Variants in MOXD1 observed in about 807,000 individuals in gnomAD.
MOXD1 encodes the protein monooxygenase DBH like 1, also known as DBH-like monooxygenase protein 1.
In MOXD1, 62 loss-of-function variants were observed where a neutral mutation model predicts 66.6. That is an observed-to-expected ratio of 0.93 (90% CI 0.76 to 1.15). MOXD1 has a LOEUF of 1.15. MOXD1 is among the 50% of genes most tolerant of loss of function. The pLI, the probability that MOXD1 is intolerant of heterozygous loss-of-function variation, is 0.00. For missense variants in MOXD1, 847 were observed against 754.6 expected, an observed-to-expected ratio of 1.12 and a Z score of -1.44; for synonymous variants, 303 against 281.9, an observed-to-expected ratio of 1.07 and a Z score of -0.75.
chr6:132,312,773 C>T (rs530970794), intron 10 of MOXD1, among the ~76,000 whole-genome samples: 111 of 150,110 alleles, frequency 7.4e-4, no homozygotes, highest in African/African-American at 2.5e-3. Flanking sequence ...ACAGGAGAGC[C>T]GAACATTTTT....
rs1163995710 is a variant in MOXD1 at position 132,300,027 on chromosome 6, A to C, written c.1509-2072T>G. ...AATTTTTTATGTCTAAATTTGAAAT[A>C]TTTCTTCCATATCTAATAAGTGAGA... On this transcript the variant is annotated intron_variant, in intron 10 of 11. Coordinates refer to ENST00000367963, the MANE Select transcript of MOXD1 (RefSeq NM_015529.4). Among the ~76,000 whole-genome samples, 5 of 152,108 alleles carry C rather than the reference A, an allele frequency of 3.3e-5. No homozygotes were observed. In the East Asian group the frequency reaches 9.6e-4, roughly 29 times the overall value.
chr6:132,372,540 A>T, intron 4 of MOXD1, 68 bp downstream of exon 4: 4 of 1,364,814 alleles, frequency 2.9e-6, no homozygotes, highest in Non-Finnish European at 3.1e-6. Context: ...TACTGTTTTC[A>T]TTATATTAAC....
intron 1 of MOXD1, among the ~76,000 whole-genome samples, chr6:132,383,364 T>C (rs1776548583): frequency 6.6e-6 from 1 of 152,160 alleles, no homozygotes; most frequent in Non-Finnish European, 1.5e-5. Context: ...AAGTGGAATG[T>C]CAAAATAGAA....
At chr6:132,334,321 A>G (rs963299162) in intron 4 of MOXD1, among the ~76,000 whole-genome samples, 2 of 152,146 alleles carry the variant, frequency 1.3e-5, no homozygotes, top group African/African-American at 4.8e-5. Context: ...CCATGAGTAC[A>G]CTACCTCTGA....
intron 1 of MOXD1, among the ~76,000 whole-genome samples, chr6:132,377,481 C>T (rs1776417601): frequency 6.6e-6 from 1 of 152,186 alleles, no homozygotes; most frequent in African/African-American, 2.4e-5. Flanking sequence ...AAATATCCAG[C>T]TGGTTTGCCA....
At chr6:132,366,814 A>G (rs1776151383) in intron 4 of MOXD1, among the ~76,000 whole-genome samples, 1 of 152,138 alleles carries the variant, frequency 6.6e-6, no homozygotes, top group African/African-American at 2.4e-5. Flanking sequence ...ATTAAGCCTA[A>G]CGTTCATGTT....
intron 1 of MOXD1, among the ~76,000 whole-genome samples, chr6:132,394,634 C>G (rs998200070): frequency 1.1e-4 from 17 of 151,666 alleles, no homozygotes; most frequent in African/African-American, 3.6e-4. Context: ...AAAAAGAGAC[C>G]AAACAGAAAT....
intron 4 of MOXD1, among the ~76,000 whole-genome samples, chr6:132,371,372 T>A (rs1317657777): frequency 6.6e-6 from 1 of 152,118 alleles, no homozygotes; most frequent in Non-Finnish European, 1.5e-5. Context: ...TTTGCAAAAA[T>A]AACCTATAAA....
chr6:132,371,885 C>A (rs905063115), intron 4 of MOXD1, among the ~76,000 whole-genome samples: 2 of 152,206 alleles, frequency 1.3e-5, no homozygotes, highest in Non-Finnish European at 2.9e-5. Context: ...CTATCTTATT[C>A]TTTCTTGTGT....
intron 4 of MOXD1, among the ~76,000 whole-genome samples, chr6:132,344,095 G>A (rs1189866786): frequency 6.6e-6 from 1 of 152,170 alleles, no homozygotes; most frequent in Non-Finnish European, 1.5e-5. Flanking sequence ...AAACATTTAT[G>A]ATGGCTTTAT....
At chr6:132,366,034 A>T (rs1776115539) in intron 4 of MOXD1, among the ~76,000 whole-genome samples, 1 of 152,192 alleles carries the variant, frequency 6.6e-6, no homozygotes, top group South Asian at 2.1e-4. Flanking sequence ...TTATAGCATA[A>T]CTTTTTCTCT....
intron 1 of MOXD1, among the ~76,000 whole-genome samples, chr6:132,394,264 G>C (rs1254482758): frequency 6.6e-6 from 1 of 152,088 alleles, no homozygotes; most frequent in Non-Finnish European, 1.5e-5. Context: ...CTAGAGTCAA[G>C]GCCAAAGTGC....
intron 4 of MOXD1, among the ~76,000 whole-genome samples, chr6:132,369,086 GATGGAGCATA>G (rs570761851): frequency 1.3e-5 from 2 of 152,130 alleles, no homozygotes; most frequent in Admixed American, 1.3e-4. Flanking sequence ...TACATAATGA[GATGGAGCATA>G]ATGAATAACG....
chr6:132,300,674 T>G (rs1774511876), intron 10 of MOXD1, among the ~76,000 whole-genome samples: 4 of 152,192 alleles, frequency 2.6e-5, no homozygotes, highest in Middle Eastern at 3.2e-3. Context: ...TTATTGAGAT[T>G]GTCCAACATA....
At chr6:132,338,256 T>G (rs1354507232) in intron 4 of MOXD1, among the ~76,000 whole-genome samples, 7 of 152,208 alleles carry the variant, frequency 4.6e-5, no homozygotes, top group Non-Finnish European at 8.8e-5. Context: ...GTATCTTTAT[T>G]AGCAGGGTCA....
intron 10 of MOXD1, among the ~76,000 whole-genome samples, chr6:132,299,861 T>A (rs1302743230): frequency 2.0e-5 from 3 of 151,766 alleles, no homozygotes; most frequent in Non-Finnish European, 2.9e-5. Context: ...TTCATATTTT[T>A]AAAATTTATT....
chr6:132,392,131 T>G, intron 1 of MOXD1: 1 of 1,479,780 alleles, frequency 6.8e-7, no homozygotes, highest in Non-Finnish European at 9.0e-7. Flanking sequence ...CGCCGTTGGC[T>G]GGGGTGTGCT....
At position 132,392,216 on chromosome 6, in the gene MOXD1, T is replaced by A. The variant is rs760513192; in HGVS notation, c.264+8947A>T. On this transcript the variant is annotated intron_variant, in intron 1 of 11. Coordinates refer to ENST00000367963, the MANE Select transcript of MOXD1 (RefSeq NM_015529.4). Reference sequence around the variant, plus strand: ...TTTCAAATCAGTTCCAAGCACTTCCTCAGCAAGTGGCCCGGCAGCAATTAC... The same window carrying A: ...TTTCAAATCAGTTCCAAGCACTTCCACAGCAAGTGGCCCGGCAGCAATTAC... The A allele has an allele frequency of 1.2e-5, 19 of 1,597,466 alleles. No individual in the cohort carries two copies. The African/African-American group carries it at 2.4e-4, about 20-fold the overall frequency.
At chr6:132,324,174 A>G (rs1366278760) in intron 6 of MOXD1, 77 bp from the exon 7 acceptor site, 1 of 1,448,116 alleles carries the variant, frequency 6.9e-7, no homozygotes, top group African/African-American at 1.4e-5. Flanking sequence ...CTTGGTTTGA[A>G]TTTTTTAAAG....
Sources: gnomAD v4.1 joint callset for allele counts (sites outside exome capture counted in the v4.1 genomes callset) on GRCh38, gnomAD v4.1.1 for gene constraint, MANE v1.5 for transcripts, NCBI Gene and HGNC (gene_info 2026-07-23, HGNC 2026-07-21) for gene names.